The following DDR1 variants were observed in gnomAD, a reference collection of about 807,000 sequenced individuals.
DDR1 encodes the protein epithelial discoidin domain-containing receptor 1.
DDR1 carries 64 observed loss-of-function variants against 97.4 expected under a neutral mutation model. That is an observed-to-expected ratio of 0.66 (90% CI 0.54 to 0.81). The LOEUF is 0.81. Among genes scored for constraint, DDR1 ranks in the 30% least tolerant of loss-of-function variants. The pLI is 0.00. For synonymous variants in DDR1, 458 were observed against 503.7 expected, an observed-to-expected ratio of 0.91 and a Z score of 1.21; for missense variants, 990 against 1,259.6, an observed-to-expected ratio of 0.79 and a Z score of 3.24.
rs1788566997 is a variant in DDR1, at chr6:30,891,972, C to G, written c.666-30C>G. The G allele has an allele frequency of 3.7e-6, 6 of 1,611,312 alleles. No homozygotes were observed. The highest frequency in any genetic ancestry group is 2.2e-5 in the South Asian group (2 of 90,982). ...ATGTCAAGACCCTCTTCCCTTCCAA[C>G]CTCCTCTTCCTTGGTCCCCTCTTCT... On this transcript the variant is annotated intron_variant, in intron 6 of 17. Transcript: ENST00000376568. The surrounding 1 kb of genome is among the most constrained non-coding windows in gnomAD (Gnocchi z 5.3).
At chr6:30,895,586 C>A in intron 12 of DDR1, 72 bp downstream of exon 12, 1 of 927,316 alleles carries the variant, frequency 1.1e-6, no homozygotes, top group Non-Finnish European at 1.6e-6. Flanking sequence ...GCCCTCACAC[C>A]TTGCACTTCC....
At position 30,893,151 on chromosome 6, in the gene DDR1, T is replaced by C. The variant is rs1414066624; in HGVS notation, c.1183T>C (p.Phe395Leu). 1 of 1,608,778 alleles carries C rather than the reference T, an allele frequency of 6.2e-7. No individual in the cohort carries two copies. Among genetic ancestry groups the C allele is most frequent in the Non-Finnish European group, 8.5e-7 (1 of 1,179,622 alleles). ...WWPPGPPPTN[F>L]SSLELEPRGQ... ...GCCGCCTGGCCCACCTCCCACCAAC[T>C]TCAGCAGCTTGGGTGAGCAATCTTG... The change falls in exon 9 of 18, where the codon TTC becomes CTC. Residue 395 changes from phenylalanine (F) to leucine (L), a missense_variant. Physicochemically the swap from Phe to Leu is conservative, Grantham distance 22 (BLOSUM62 0). Transcript: ENST00000376568.
In DDR1 at chr6:30,897,398, G is replaced by T. The variant is rs1296980295; in HGVS notation, c.2017G>T (p.Val673Leu). ...CTCCAGGAATGATTTCCTGAAAGAG[G>T]TGAAGATCATGTCGAGGCTCAAGGA... ...KNARNDFLKE[V>L]KIMSRLKDPN... The change falls in exon 15 of 18, where the codon GTG becomes TTG. Residue 673 changes from valine to leucine, a missense_variant. By Grantham distance (32) the Val-to-Leu change is conservative (BLOSUM62 1). Transcript: ENST00000376568. The surrounding 1 kb of genome is among the most constrained non-coding windows in gnomAD (Gnocchi z 5.2). 1 of 1,614,110 alleles carries T rather than the reference G, an allele frequency of 6.2e-7. No individual in the cohort carries two copies. The highest frequency in any genetic ancestry group is 8.5e-7 in the Non-Finnish European group (1 of 1,180,008).
Position 30,899,246 on chromosome 6 carries a change from T to G in DDR1, c.2692T>G (p.Phe898Val). 6.2e-7 allele frequency: 1 copy of G among 1,613,976 alleles called. No homozygotes were observed. The highest frequency in any genetic ancestry group is 8.5e-7 in the Non-Finnish European group (1 of 1,179,922). The stretch of plus-strand genomic sequence containing the variant: ...CCGGGAGTCTGAGCAGCGACCACCC[T>G]TTTCCCAGCTGCATCGGTTCCTGGC... ...WSRESEQRPPFSQLHRFLAED... is the reference protein window; with the variant it reads ...WSRESEQRPPVSQLHRFLAED... Residue 898 changes from phenylalanine to valine, a missense_variant, in exon 18 of 18, where the codon TTT becomes GTT. Transcript: ENST00000376568.
Position 30,889,073 on chromosome 6 carries a change from C to T in DDR1, c.188+63C>T. ...GAGGAGCTCCTGGGACCTCTACTTC[C>T]CCTCCAACCCCTCTGCCCATGCCAG... On this transcript the variant is annotated intron_variant, in intron 3 of 17. Transcript: ENST00000376568. The surrounding 1 kb of genome is among the most constrained non-coding windows in gnomAD (Gnocchi z 4.9). 4 of 1,587,798 alleles carry T rather than the reference C, an allele frequency of 2.5e-6. No individual in the cohort carries two copies. The highest frequency in any genetic ancestry group is 1.1e-5 in the South Asian group (1 of 90,288).
At chr6:30,895,860 G>A (rs1790574897) in intron 12 of DDR1, among the ~76,000 whole-genome samples, 1 of 152,074 alleles carries the variant, frequency 6.6e-6, no homozygotes, top group Admixed American at 6.6e-5. Context: ...CTAGAGCTGC[G>A]AGGAGGAGGG....
At chr6:30,898,512 TG>T (rs1243572670) in intron 16 of DDR1, among the ~76,000 whole-genome samples, 1 of 150,386 alleles carries the variant, frequency 6.6e-6, no homozygotes, top group Non-Finnish European at 1.5e-5. Context: ...GAGCCAAGAG[TG>T]GGTACTGGGG....
In DDR1 at chr6:30,886,755, C is replaced by G. The variant is rs1394591123; in HGVS notation, c.-42-1933C>G. On this transcript the variant is annotated intron_variant, in intron 1 of 17. Transcript: ENST00000376568. The surrounding 1 kb of genome is among the most constrained non-coding windows in gnomAD (Gnocchi z 4.6). ...ATAACTGGGCCCAAGATGCCCTGAA[C>G]CTGATAAGAGGTGGCAGTCGAGTCC... The G allele has an allele frequency of 2.0e-5, 3 of 152,286 alleles. No individual in the cohort carries two copies. Among genetic ancestry groups the G allele is most frequent in the African/African-American group, 7.2e-5 (3 of 41,454 alleles). The allele number at this position is 152,286 out of a possible 1,614,324, so 9.4% of individuals were successfully genotyped here.
rs760263349 is a variant in DDR1, at chr6:30,900,054, G to A, written c.*758G>A. ...AATCACTTGGGGTTTGTACATTTTT[G>A]GGGGGAGAGACACAGATTTTTACAC... is the stretch of plus-strand genomic sequence containing the variant. On this transcript the variant is annotated 3_prime_UTR_variant, in exon 18 of 18. Transcript: ENST00000376568. The A allele has an allele frequency of 1.7e-6, 1 of 596,198 alleles. No homozygotes were observed. The highest frequency in any genetic ancestry group is 3.3e-6 in the Non-Finnish European group (1 of 307,552). 36.9% of individuals were successfully genotyped at this position (596,198 alleles called of 1,614,324 possible).
rs375424114 is a variant in DDR1, at chr6:30,896,622, C to T, written c.1626C>T (p.Ala542=). The change falls in exon 13 of 18, where the codon GCC becomes GCT. Residue 542 remains alanine, a splice_region_variant and synonymous_variant. Transcript: ENST00000376568. Reference sequence around the variant, plus strand: ...TCTTCTTTCCCCTCACCCCTGCAGCCTACAGTGGGGACTATATGGAGCCTG... The same window carrying T: ...TCTTCTTTCCCCTCACCCCTGCAGCTTACAGTGGGGACTATATGGAGCCTG... The part of the protein sequence containing the change: ...PAWAKPTNTQ[A]YSGDYMEPEK... 14 of 1,613,268 alleles carry T rather than the reference C, an allele frequency of 8.7e-6. No individual in the cohort carries two copies. In the Middle Eastern group the frequency reaches 6.7e-4, roughly 77 times the overall value.
chr6:30,892,061 G>C lies in DDR1; in HGVS notation c.725G>C (p.Arg242Thr). 1.2e-6 allele frequency: 2 copies of C among 1,614,184 alleles called. No individual in the cohort carries two copies. The highest frequency in any genetic ancestry group is 1.7e-6 in the Non-Finnish European group (2 of 1,180,012). The stretch of plus-strand genomic sequence containing the variant: ...GGTGTGGTGGGGCTGGATGACTTTA[G>C]GAAGAGTCAGGAGCTGCGGGTCTGG... The part of the protein sequence containing the change: ...ADGVVGLDDF[R>T]KSQELRVWPG... Residue 242 changes from arginine (R) to threonine (T), a missense_variant, in exon 7 of 18, where the codon AGG becomes ACG. Arg to Thr is a moderately conservative substitution (Grantham distance 71, BLOSUM62 -1). Coordinates refer to ENST00000376568, the MANE Select transcript of DDR1 (RefSeq NM_001297654.2).
At chr6:30,896,332 C>T (rs139428549) in intron 12 of DDR1, among the ~76,000 whole-genome samples, 3 of 152,032 alleles carry the variant, frequency 2.0e-5, no homozygotes, top group Non-Finnish European at 4.4e-5. Context: ...ATTTATCTCA[C>T]AGTCTCTTGA....
rs1048536488 is a variant in DDR1 at position 30,890,494 on chromosome 6, C to T, written c.418-479C>T. 1.7e-4 allele frequency: 27 copies of T among 157,434 alleles called. No homozygotes were observed. Among genetic ancestry groups the T allele is most frequent in the Admixed American group, 4.5e-4 (7 of 15,546 alleles). The allele number at this position is 157,434 out of a possible 1,614,324, so 9.8% of individuals were successfully genotyped here. ...TCCATACTTCCTGCCTCTTGTTCTT[C>T]GCAGCTGTTTTCCCTGCTGGGATCT... is the stretch of plus-strand genomic sequence containing the variant. On this transcript the variant is annotated intron_variant, in intron 4 of 17. Transcript: ENST00000376568. The surrounding 1 kb of genome is among the most constrained non-coding windows in gnomAD (Gnocchi z 5.0).
chr6:30,898,001 G>A, intron 15 of DDR1, 72 bp from the exon 16 acceptor site: 1 of 1,240,072 alleles, frequency 8.1e-7, no homozygotes, highest in Non-Finnish European at 1.2e-6. Flanking sequence ...CCGGGGAGTG[G>A]GCTCTCTCTC....
rs1336569955 is a variant in DDR1 at position 30,899,531 on chromosome 6, G to A, written c.*235G>A. On this transcript the variant is annotated 3_prime_UTR_variant, in exon 18 of 18. Transcript: ENST00000376568. ...TTCTTCCTTCCTAGAAGCCCCTGTCGCCCACCCAGCTGGTCCTGTGGATGG... is the reference window on the plus strand; with the variant it reads ...TTCTTCCTTCCTAGAAGCCCCTGTCACCCACCCAGCTGGTCCTGTGGATGG... The A allele has an allele frequency of 2.6e-5, 15 of 574,138 alleles. No individual in the cohort carries two copies. The highest frequency in any genetic ancestry group is 1.3e-4 in the South Asian group (5 of 39,886). 35.6% of individuals were successfully genotyped at this position (574,138 alleles called of 1,614,324 possible).
intron 10 of DDR1, among the ~76,000 whole-genome samples, 176 bp downstream of exon 10, chr6:30,893,599 A>G (rs1228493882): frequency 6.6e-6 from 1 of 152,256 alleles, no homozygotes; most frequent in African/African-American, 2.4e-5. Flanking sequence ...GCTGCTCCCC[A>G]GCTCTGGGTC....
At position 30,893,320 on chromosome 6, in the gene DDR1, C is replaced by T. The variant is rs770692392; in HGVS notation, c.1244C>T (p.Pro415Leu). ...CCCGTGGCCAAGGCCGAGGGGAGCCCGACCGCCATCCTCATCGGCTGCCTG... is the reference window on the plus strand; with the variant it reads ...CCCGTGGCCAAGGCCGAGGGGAGCCTGACCGCCATCCTCATCGGCTGCCTG... ...QQPVAKAEGS[P>L]TAILIGCLVA... is the part of the protein sequence containing the mutation. Residue 415 changes from proline to leucine, a missense_variant, in exon 10 of 18, where the codon CCG (proline) becomes CTG (leucine). By Grantham distance (98) the Pro-to-Leu change is moderately conservative (BLOSUM62 -3). Coordinates refer to ENST00000376568, the MANE Select transcript of DDR1 (RefSeq NM_001297654.2). 62 of 1,606,576 alleles carry T rather than the reference C, an allele frequency of 3.9e-5. No individual in the cohort carries two copies. The highest frequency in any genetic ancestry group is 4.5e-5 in the Non-Finnish European group (53 of 1,179,702).
In DDR1 at chr6:30,896,613, C is replaced by G; in HGVS notation, c.1625-8C>G. On this transcript the variant is annotated splice_polypyrimidine_tract_variant and splice_region_variant and intron_variant, in intron 12 of 17. Coordinates refer to ENST00000376568, the MANE Select transcript of DDR1 (RefSeq NM_001297654.2). ...CTCGTCCTGTCTTCTTTCCCCTCACCCCTGCAGCCTACAGTGGGGACTATA... is the reference window on the plus strand; with the variant it reads ...CTCGTCCTGTCTTCTTTCCCCTCACGCCTGCAGCCTACAGTGGGGACTATA... 2.5e-6 allele frequency: 4 copies of G among 1,612,168 alleles called. No homozygotes were observed. The highest frequency in any genetic ancestry group is 1.3e-5 in the African/African-American group (1 of 74,972).
Position 30,889,507 on chromosome 6 carries a change from G to T in DDR1, c.417+77G>T. 2 of 1,056,706 alleles carry T rather than the reference G, an allele frequency of 1.9e-6. No homozygotes were observed. The highest frequency in any genetic ancestry group is 2.7e-6 in the Non-Finnish European group (2 of 754,474). The allele number at this position is 1,056,706 out of a possible 1,614,324, so 65.5% of individuals were successfully genotyped here. The stretch of plus-strand genomic sequence containing the variant: ...GCTGTACTTTAAACACCACCTATAC[G>T]CTGACGACTCTCCAGTTTATATCAT... On this transcript the variant is annotated intron_variant, in intron 4 of 17. Coordinates refer to ENST00000376568, the MANE Select transcript of DDR1 (RefSeq NM_001297654.2). The surrounding 1 kb of genome is among the most constrained non-coding windows in gnomAD (Gnocchi z 4.9).
Sources: gnomAD v4.1 joint callset for allele counts (sites outside exome capture counted in the v4.1 genomes callset) on GRCh38, gnomAD v4.1.1 for gene constraint, Gnocchi (gnomAD v3.1) non-coding constraint, MANE v1.5 for transcripts, NCBI Gene and HGNC (gene_info 2026-07-23, HGNC 2026-07-21) for gene names.